Variants in TRDN observed in about 807,000 individuals in gnomAD.
TRDN encodes the protein triadin in skeletal muscle.
TRDN carries 161 observed loss-of-function variants against 149.7 expected under a neutral mutation model. That is an observed-to-expected ratio of 1.08 (90% confidence interval 0.95 to 1.23). The LOEUF (loss-of-function observed/expected upper bound fraction) is 1.23, where lower values mean the gene tolerates loss of function less well. Ranked by LOEUF, TRDN falls within the 50% of genes most tolerant of loss-of-function variation. TRDN has a pLI of 0.00. For synonymous variants in TRDN, 294 were observed against 250.5 expected (o/e 1.17, Z -1.64); for missense variants, 896 against 823.5 (o/e 1.09, Z -1.08).
At chr6:123,374,669 G>T (rs1781439760) in intron 19 of TRDN, among the ~76,000 whole-genome samples, 1 of 151,772 alleles carries the variant, frequency 6.6e-6, no homozygotes. Flanking sequence ...AAAACTACTT[G>T]GGAGGCTTAG....
intron 21 of TRDN, among the ~76,000 whole-genome samples, chr6:123,346,786 G>A (rs993989135): frequency 1.3e-5 from 2 of 151,960 alleles, no homozygotes; most frequent in African/African-American, 2.4e-5. Flanking sequence ...ATTGTGTGGA[G>A]TTCGAACTGT....
At chr6:123,430,896 T>A (rs777756767) in intron 12 of TRDN, among the ~76,000 whole-genome samples, 1 of 152,160 alleles carries the variant, frequency 6.6e-6, no homozygotes, top group Non-Finnish European at 1.5e-5. Context: ...ATTCCCACAA[T>A]AAGTTATAGT....
At chr6:123,300,959 T>G (rs1479371051) in intron 24 of TRDN, among the ~76,000 whole-genome samples, 1 of 151,966 alleles carries the variant, frequency 6.6e-6, no homozygotes, top group African/African-American at 2.4e-5. Context: ...AACTTACATA[T>G]CTTATTGCAC....
intron 21 of TRDN, among the ~76,000 whole-genome samples, chr6:123,337,986 T>C (rs1779936283): frequency 6.6e-6 from 1 of 152,188 alleles, no homozygotes; most frequent in African/African-American, 2.4e-5. Flanking sequence ...TTACTACGTG[T>C]CAGGCAATAT....
intron 14 of TRDN, among the ~76,000 whole-genome samples, chr6:123,383,113 A>T (rs1237783213): frequency 2.0e-5 from 3 of 152,064 alleles, no homozygotes; most frequent in Non-Finnish European, 4.4e-5. Flanking sequence ...AATAGTTTGC[A>T]AGTTAATGGA....
chr6:123,547,180 T>C (rs958218519), intron 4 of TRDN, among the ~76,000 whole-genome samples, 160 bp downstream of exon 4: 2 of 152,168 alleles, frequency 1.3e-5, no homozygotes, highest in African/African-American at 2.4e-5. Flanking sequence ...ATCACCTTCA[T>C]TGGAAAAGAA....
intron 4 of TRDN, among the ~76,000 whole-genome samples, chr6:123,540,265 G>A (rs952635913): frequency 6.6e-6 from 1 of 152,128 alleles, no homozygotes; most frequent in Non-Finnish European, 1.5e-5. Flanking sequence ...GAGGCATTGA[G>A]GAAGAGAACA....
intron 38 of TRDN, among the ~76,000 whole-genome samples, chr6:123,239,383 G>A (rs915881375): frequency 2.0e-5 from 3 of 152,032 alleles, no homozygotes; most frequent in African/African-American, 7.2e-5. Context: ...AAGATACAGG[G>A]TAATTAAAAA....
At position 123,216,667 on chromosome 6, in the gene TRDN, A is replaced by T. The variant is rs1001485745; in HGVS notation, c.*1934T>A. Reference sequence around the variant, plus strand: ...TTTTATTTGTCTCCATGGTATTTCTATGAGATATTAGACTGTTTGTCCCTA... The same window carrying T: ...TTTTATTTGTCTCCATGGTATTTCTTTGAGATATTAGACTGTTTGTCCCTA... On this transcript the variant is annotated 3_prime_UTR_variant, in exon 41 of 41. Transcript: ENST00000334268. 1.3e-5 allele frequency: 2 copies of T among 152,052 alleles called. No individual in the cohort carries two copies. Among genetic ancestry groups the T allele is most frequent in the South Asian group, 4.2e-4 (2 of 4,816 alleles). The allele number at this position is 152,052 out of a possible 1,614,324, so 9.4% of individuals were successfully genotyped here. A position where few individuals can be genotyped will look rare whatever the true frequency, so the allele number is the denominator to read the frequency against.
At chr6:123,398,227 G>A (rs897317264) in intron 12 of TRDN, among the ~76,000 whole-genome samples, 2 of 152,126 alleles carry the variant, frequency 1.3e-5, no homozygotes, top group African/African-American at 2.4e-5. Context: ...GGCTGGTCTC[G>A]AACTGCTGAC....
chr6:123,583,491 G>C (rs1451083526), intron 1 of TRDN, among the ~76,000 whole-genome samples: 2 of 151,666 alleles, frequency 1.3e-5, no homozygotes, highest in African/African-American at 4.9e-5. Flanking sequence ...GCTTGGTGAG[G>C]TGTGTTTTTA....
intron 38 of TRDN, 23 bp downstream of exon 38, chr6:123,252,389 T>TC: frequency 6.9e-7 from 1 of 1,447,962 alleles, no homozygotes; most frequent in Non-Finnish European, 9.4e-7. Flanking sequence ...AGAGAACTTG[T>TC]CATTAATACA....
chr6:123,523,662 A>C (rs957845414), intron 5 of TRDN, among the ~76,000 whole-genome samples: 6 of 152,270 alleles, frequency 3.9e-5, no homozygotes, highest in East Asian at 1.9e-4. Context: ...AGTAGACTAA[A>C]TTATAGTACG....
At chr6:123,347,540 A>T (rs2060065) in intron 21 of TRDN, among the ~76,000 whole-genome samples, 4 of 151,796 alleles carry the variant, frequency 2.6e-5, no homozygotes, top group Admixed American at 1.3e-4. Flanking sequence ...TGTAATGTAA[A>T]GTATCAGCAA....
chr6:123,224,186 G>A (rs1775269720), intron 38 of TRDN, 55 bp from the exon 39 acceptor site: 2 of 1,546,838 alleles, frequency 1.3e-6, no homozygotes, highest in East Asian at 4.5e-5. Flanking sequence ...AGTTTTCCCA[G>A]AGGAAGTATT....
chr6:123,334,578 T>A (rs1779792681), intron 22 of TRDN, among the ~76,000 whole-genome samples: 1 of 152,040 alleles, frequency 6.6e-6, no homozygotes, highest in Admixed American at 6.6e-5. Context: ...TTCTGGATGG[T>A]CAAGACCTCA....
intron 10 of TRDN, among the ~76,000 whole-genome samples, chr6:123,448,628 G>C (rs544118673): frequency 6.6e-6 from 1 of 151,950 alleles, no homozygotes; most frequent in East Asian, 1.9e-4. Context: ...CCCTGCCCCC[G>C]TTTGATGGTC....
At chr6:123,539,864 T>C (rs895125148) in intron 4 of TRDN, among the ~76,000 whole-genome samples, 4 of 152,192 alleles carry the variant, frequency 2.6e-5, no homozygotes, top group Admixed American at 2.6e-4. Context: ...AGCATTACTC[T>C]TTTGGGTTGC....
At chr6:123,296,036 G>A (rs552281990) in intron 24 of TRDN, among the ~76,000 whole-genome samples, 15 of 151,696 alleles carry the variant, frequency 9.9e-5, no homozygotes, top group Non-Finnish European at 2.1e-4. Flanking sequence ...TAAATCTCAA[G>A]AGTAAATTGC....
Sources: allele counts gnomAD v4.1 joint callset (sites outside exome capture counted in the v4.1 genomes callset), GRCh38; gene constraint gnomAD v4.1.1; transcripts MANE v1.5; gene names NCBI Gene and HGNC (gene_info 2026-07-23, HGNC 2026-07-21).